Variants in SGCZ observed in about 807,000 individuals in gnomAD.
The protein encoded by SGCZ is sarcoglycan zeta.
A neutral mutation model predicts 41.3 loss-of-function variants in SGCZ; 40 were observed. The observed-to-expected ratio is 0.97, with a 90% confidence interval of 0.75 to 1.26. SGCZ has a LOEUF of 1.26. SGCZ is among the 50% of genes most tolerant of loss of function. SGCZ has a pLI of 0.00. For synonymous variants in SGCZ, 206 were observed against 137.5 expected (o/e 1.50, Z -3.49); for missense variants, 552 against 369.8 (o/e 1.49, Z -4.04).
intron 5 of SGCZ, among the ~76,000 whole-genome samples, chr8:14,155,905 T>C (rs1002945249): frequency 1.3e-5 from 2 of 152,134 alleles, no homozygotes; most frequent in Non-Finnish European, 2.9e-5. Flanking sequence ...CTGTACAGCA[T>C]GTTACTCTAC....
At chr8:14,727,748 G>A (rs935159318) in intron 1 of SGCZ, among the ~76,000 whole-genome samples, 2 of 151,926 alleles carry the variant, frequency 1.3e-5, no homozygotes, top group African/African-American at 4.8e-5. Context: ...TCCTGACCTC[G>A]TGATCCACCC....
At chr8:15,139,199 C>T (rs1023976613) in intron 1 of SGCZ, among the ~76,000 whole-genome samples, 13 of 152,134 alleles carry the variant, frequency 8.5e-5, no homozygotes, top group African/African-American at 2.9e-4. Context: ...ACCAAATTTC[C>T]CTAATACAAT....
At chr8:14,532,274 T>C (rs1563391020) in intron 2 of SGCZ, among the ~76,000 whole-genome samples, 2 of 152,022 alleles carry the variant, frequency 1.3e-5, no homozygotes, top group Non-Finnish European at 2.9e-5. Flanking sequence ...CAAGAATATA[T>C]TTACTTTTCA....
intron 1 of SGCZ, among the ~76,000 whole-genome samples, chr8:14,911,162 G>T (rs969931279): frequency 6.6e-6 from 1 of 152,056 alleles, no homozygotes; most frequent in African/African-American, 2.4e-5. Flanking sequence ...AGAAAACAGA[G>T]TAAGCAGATA....
At chr8:14,975,368 G>A (rs527457574) in intron 1 of SGCZ, among the ~76,000 whole-genome samples, 16 of 152,074 alleles carry the variant, frequency 1.1e-4, no homozygotes, top group African/African-American at 2.9e-4. Context: ...GTGTAGCAGC[G>A]TTCCATCGAA....
intron 4 of SGCZ, among the ~76,000 whole-genome samples, chr8:14,169,650 G>A (rs1392058174): frequency 6.6e-6 from 1 of 152,100 alleles, no homozygotes; most frequent in African/African-American, 2.4e-5. Context: ...TGTGGGGCTG[G>A]CTATCTTTCG....
At chr8:14,882,561 G>T (rs1332715698) in intron 1 of SGCZ, among the ~76,000 whole-genome samples, 1 of 152,014 alleles carries the variant, frequency 6.6e-6, no homozygotes, top group African/African-American at 2.4e-5. Flanking sequence ...AAAGATGTTA[G>T]CCTGTTCCAC....
intron 2 of SGCZ, among the ~76,000 whole-genome samples, chr8:14,402,300 C>T (rs1303655767): frequency 6.6e-6 from 1 of 151,160 alleles, no homozygotes; most frequent in African/African-American, 2.5e-5. Context: ...TAATTAGATC[C>T]CATTTGTCAA....
intron 4 of SGCZ, among the ~76,000 whole-genome samples, chr8:14,235,031 T>G (rs1806705069): frequency 6.6e-6 from 1 of 152,152 alleles, no homozygotes; most frequent in South Asian, 2.1e-4. Context: ...CAATAATAGA[T>G]TCAATATACA....
chr8:14,935,213 T>C (rs1022803690), intron 1 of SGCZ, among the ~76,000 whole-genome samples: 2 of 151,800 alleles, frequency 1.3e-5, no homozygotes, highest in Non-Finnish European at 3.0e-5. Flanking sequence ...AAGTAGATGT[T>C]ATCTTAAATC....
chr8:14,661,038 C>A (rs1351830540), intron 1 of SGCZ, among the ~76,000 whole-genome samples: 1 of 152,122 alleles, frequency 6.6e-6, no homozygotes, highest in African/African-American at 2.4e-5. Flanking sequence ...GGGTTCTTCC[C>A]AGAATCCCTC....
intron 2 of SGCZ, among the ~76,000 whole-genome samples, chr8:14,547,327 G>A (rs1252224112): frequency 6.6e-6 from 1 of 152,118 alleles, no homozygotes; most frequent in Non-Finnish European, 1.5e-5. Context: ...CAGAAAGGGT[G>A]CTGACAGGTG....
At chr8:14,350,818 C>T (rs1803064528) in intron 2 of SGCZ, among the ~76,000 whole-genome samples, 1 of 152,126 alleles carries the variant, frequency 6.6e-6, no homozygotes. Context: ...TAATCTAAGG[C>T]AAGTGTATAC....
intron 1 of SGCZ, among the ~76,000 whole-genome samples, chr8:14,865,183 C>G (rs938086646): frequency 2.0e-5 from 3 of 152,022 alleles, no homozygotes; most frequent in African/African-American, 7.2e-5. Context: ...TCACGTGACT[C>G]CCAGCTACAC....
intron 1 of SGCZ, among the ~76,000 whole-genome samples, chr8:15,097,862 G>GTA (rs1407463124): frequency 7.1e-4 from 13 of 18,328 alleles, no homozygotes; most frequent in Admixed American, 2.4e-3. Context: ...ATATACGTGT[G>GTA]TGTGTATATA....
chr8:14,979,052 GC>G (rs1245378107), intron 1 of SGCZ, among the ~76,000 whole-genome samples: 1 of 152,116 alleles, frequency 6.6e-6, no homozygotes, highest in Non-Finnish European at 1.5e-5. Context: ...ACCTGCCTCA[GC>G]CTTCCAAAGT....
chr8:15,001,620 T>A (rs1428749127), intron 1 of SGCZ, among the ~76,000 whole-genome samples: 1 of 150,022 alleles, frequency 6.7e-6, no homozygotes, highest in Non-Finnish European at 1.5e-5. Flanking sequence ...TTCCAGCTAC[T>A]CGGGAGGCTG....
chr8:15,044,840 GT>G (rs1460953155), intron 1 of SGCZ, among the ~76,000 whole-genome samples: 1 of 152,014 alleles, frequency 6.6e-6, no homozygotes, highest in Non-Finnish European at 1.5e-5. Context: ...TCTATGAGTA[GT>G]TTTGTGAAGG....
chr8:14,185,589 T>C (rs1054556377), intron 4 of SGCZ, among the ~76,000 whole-genome samples: 1 of 152,204 alleles, frequency 6.6e-6, no homozygotes, highest in Non-Finnish European at 1.5e-5. Context: ...TCTTCTTCCT[T>C]AAAAGCTCCT....
Sources: gnomAD v4.1 joint callset for allele counts (sites outside exome capture counted in the v4.1 genomes callset) on GRCh38, gnomAD v4.1.1 for gene constraint, MANE v1.5 for transcripts, NCBI Gene and HGNC (gene_info 2026-07-23, HGNC 2026-07-21) for gene names.